The following MTUS2 variants were observed in gnomAD, a reference collection of about 807,000 sequenced individuals.
The protein encoded by MTUS2 is microtubule-associated tumor suppressor candidate 2.
Under a neutral mutation model 114.1 loss-of-function variants are expected in MTUS2, and 40 were observed. The ratio of observed to expected loss-of-function variants is 0.35; its 90% confidence interval spans 0.27 to 0.46. MTUS2 has a LOEUF of 0.46. Among genes scored for constraint, MTUS2 ranks in the 20% least tolerant of loss-of-function variants. The pLI, the probability that MTUS2 is intolerant of heterozygous loss-of-function variation, is 1.00. For synonymous variants in MTUS2, 688 were observed against 672.0 expected, an observed-to-expected ratio of 1.02 and a Z score of -0.37; for missense variants, 1,679 against 1,705.4, an observed-to-expected ratio of 0.98 and a Z score of 0.27.
At chr13:28,997,317 A>G (rs1203830547) in intron 2 of MTUS2, among the ~76,000 whole-genome samples, 1 of 151,720 alleles carries the variant, frequency 6.6e-6, no homozygotes, top group East Asian at 1.9e-4. Context: ...ACTTCCAACT[A>G]TGTGGACAAT....
intron 5 of MTUS2, among the ~76,000 whole-genome samples, chr13:29,203,712 A>G (rs1000628177): frequency 6.6e-6 from 1 of 152,062 alleles, no homozygotes; most frequent in East Asian, 1.9e-4. Context: ...AAAGCATAGT[A>G]TCTGGGCTGG....
chr13:29,343,303 C>A lies in MTUS2; in HGVS notation c.2906-15959C>A, dbSNP rs542070616. Among the ~76,000 whole-genome samples, 22 of 151,996 alleles carry A rather than the reference C, an allele frequency of 1.4e-4. No individual in the cohort carries two copies. In the South Asian group the frequency reaches 2.5e-3, roughly 17 times the overall value. ...CTGGTCCTAGACTTTTTCTTGTTGG[C>A]AATTTTTTATTATCATTTCAATCTT... On this transcript the variant is annotated intron_variant, in intron 7 of 15. Coordinates refer to ENST00000612955, the MANE Select transcript of MTUS2 (RefSeq NM_001033602.4).
At chr13:29,316,803 C>A (rs910384253) in intron 6 of MTUS2, among the ~76,000 whole-genome samples, 13 of 152,162 alleles carry the variant, frequency 8.5e-5, no homozygotes, top group Non-Finnish European at 1.3e-4. Context: ...GGACAGGTGT[C>A]AGGTGAGGTA....
chr13:29,227,467 C>T (rs1421771767), intron 5 of MTUS2, among the ~76,000 whole-genome samples: 1 of 152,154 alleles, frequency 6.6e-6, no homozygotes, highest in Non-Finnish European at 1.5e-5. Context: ...CACCAAGTGA[C>T]CTGAGCCCTT....
At chr13:29,128,885 C>T (rs9508289) in intron 5 of MTUS2, among the ~76,000 whole-genome samples, 147 of 152,156 alleles carry the variant, frequency 9.7e-4, no homozygotes, top group Admixed American at 2.8e-3. Flanking sequence ...TAAATGTATT[C>T]GGTGATTACA....
chr13:29,060,705 G>A (rs561880229), intron 4 of MTUS2, among the ~76,000 whole-genome samples: 1 of 151,358 alleles, frequency 6.6e-6, no homozygotes, highest in Non-Finnish European at 1.5e-5. Flanking sequence ...GAAATTATCA[G>A]TATGGTTTTA....
At chr13:29,077,782 G>C (rs1889261034) in intron 4 of MTUS2, among the ~76,000 whole-genome samples, 1 of 152,140 alleles carries the variant, frequency 6.6e-6, no homozygotes, top group Admixed American at 6.5e-5. Context: ...TTCTTTACTG[G>C]TTGCCTGGAA....
chr13:29,455,998 A>G (rs1879082547), intron 9 of MTUS2, among the ~76,000 whole-genome samples: 1 of 152,170 alleles, frequency 6.6e-6, no homozygotes, highest in African/African-American at 2.4e-5. Flanking sequence ...AAATAAAAAT[A>G]AAGTTGTGTA....
intron 4 of MTUS2, among the ~76,000 whole-genome samples, chr13:29,095,013 G>C (rs1043052211): frequency 4.0e-5 from 6 of 151,862 alleles, no homozygotes; most frequent in Admixed American, 3.9e-4. Flanking sequence ...ATTCTGTTAT[G>C]ACCACAGAAC....
chr13:28,964,096 C>T (rs1265474304), intron 2 of MTUS2, among the ~76,000 whole-genome samples: 1 of 152,152 alleles, frequency 6.6e-6, no homozygotes, highest in Non-Finnish European at 1.5e-5. Context: ...ACTTATTAGG[C>T]TAATTGTTTA....
At chr13:29,428,852 T>C in intron 8 of MTUS2, 2 of 1,614,088 alleles carry the variant, frequency 1.2e-6, no homozygotes, top group Non-Finnish European at 1.7e-6. Flanking sequence ...GATGGGCCAT[T>C]GCTGCTGCAA....
At chr13:28,962,339 A>G (rs1883369453) in intron 2 of MTUS2, among the ~76,000 whole-genome samples, 1 of 151,942 alleles carries the variant, frequency 6.6e-6, no homozygotes, top group Admixed American at 6.6e-5. Context: ...GATATTTCCC[A>G]TATTATAAAT....
intron 8 of MTUS2, among the ~76,000 whole-genome samples, chr13:29,369,951 C>T (rs137941828): frequency 1.3e-3 from 202 of 152,198 alleles, no homozygotes; most frequent in African/African-American, 4.7e-3. Flanking sequence ...AAAAAAGAAA[C>T]AAACAAGTGC....
At chr13:29,206,874 T>C (rs1238537651) in intron 5 of MTUS2, among the ~76,000 whole-genome samples, 14 of 152,214 alleles carry the variant, frequency 9.2e-5, no homozygotes, top group Admixed American at 9.2e-4. Flanking sequence ...TTGCTTAGCC[T>C]TGCTTTGGCT....
chr13:29,428,171 A>AT (rs1444768056), intron 8 of MTUS2, among the ~76,000 whole-genome samples: 1 of 152,290 alleles, frequency 6.6e-6, no homozygotes, highest in Non-Finnish European at 1.5e-5. Flanking sequence ...TGTTCATGGC[A>AT]TGCAAATTAG....
At chr13:28,882,986 C>T (rs991001641) in intron 2 of MTUS2, among the ~76,000 whole-genome samples, 7 of 152,126 alleles carry the variant, frequency 4.6e-5, no homozygotes, top group Non-Finnish European at 8.8e-5. Flanking sequence ...TGGGCAAAGA[C>T]ATGAGCAGAC....
chr13:28,998,147 T>C (rs541745033), intron 2 of MTUS2, among the ~76,000 whole-genome samples: 23 of 152,102 alleles, frequency 1.5e-4, no homozygotes, highest in Non-Finnish European at 3.1e-4. Context: ...CCTTCACTTA[T>C]GAAGCTTAGT....
In MTUS2 at chr13:29,480,340, C is replaced by T. The variant is rs1881066829; in HGVS notation, c.3375C>T (p.Ser1125=). ...AGGAGCACGGTGACCAGCTGCTGAG[C>T]ATCCGGTGTCAACACCAGGAGCAGG... ...LQEEHGDQLL[S]IRCQHQEQVE... The change falls in exon 10 of 16, where the codon AGC becomes AGT. Residue 1125 remains serine (S), a synonymous_variant. Transcript: ENST00000612955. This position sits in a 1 kb window ranked among gnomAD's most constrained non-coding sequence, Gnocchi z 4.4. 3 of 1,541,980 alleles carry T rather than the reference C, an allele frequency of 1.9e-6. No homozygotes were observed. Among genetic ancestry groups the T allele is most frequent in the Non-Finnish European group, 2.6e-6 (3 of 1,142,156 alleles).
At chr13:29,402,996 A>G (rs1447741831) in intron 8 of MTUS2, among the ~76,000 whole-genome samples, 1 of 152,144 alleles carries the variant, frequency 6.6e-6, no homozygotes, top group Non-Finnish European at 1.5e-5. Flanking sequence ...CGGCCTCCCA[A>G]GGTGCTGGGA....
Sources: gnomAD v4.1 joint callset for allele counts (sites outside exome capture counted in the v4.1 genomes callset) on GRCh38, gnomAD v4.1.1 for gene constraint, Gnocchi (gnomAD v3.1) non-coding constraint, MANE v1.5 for transcripts, NCBI Gene and HGNC (gene_info 2026-07-23, HGNC 2026-07-21) for gene names.